ANKS1A: variants seen among roughly 807,000 people sequenced by gnomAD.
The protein encoded by ANKS1A is ankyrin repeat and sterile alpha motif domain containing 1A, also known as ankyrin repeat and SAM domain-containing protein 1A.
A neutral mutation model predicts 120.3 loss-of-function variants in ANKS1A; 55 were observed. The observed-to-expected ratio is 0.46, with a 90% CI of 0.37 to 0.57. The LOEUF is 0.57. Among genes scored for constraint, ANKS1A ranks in the 20% least tolerant of loss-of-function variants. ANKS1A has a pLI of 0.00. For synonymous variants in ANKS1A, 590 were observed against 604.7 expected, an observed-to-expected ratio of 0.98 and a Z score of 0.36; for missense variants, 1,123 against 1,480.3, an observed-to-expected ratio of 0.76 and a Z score of 3.96.
intron 1 of ANKS1A, among the ~76,000 whole-genome samples, chr6:34,960,579 C>T (rs1481657292): frequency 4.6e-5 from 7 of 152,114 alleles, no homozygotes; most frequent in Admixed American, 4.6e-4. Context: ...TCTACACATG[C>T]AATCAGTTTT....
intron 1 of ANKS1A, among the ~76,000 whole-genome samples, chr6:34,904,346 T>G (rs956244402): frequency 3.5e-4 from 54 of 152,182 alleles, no homozygotes; most frequent in African/African-American, 1.2e-3. Context: ...CCATGGTTGG[T>G]TGAATTCACA....
At chr6:34,999,134 T>A (rs548936293) in intron 10 of ANKS1A, among the ~76,000 whole-genome samples, 6 of 152,326 alleles carry the variant, frequency 3.9e-5, no homozygotes, top group African/African-American at 1.4e-4. Flanking sequence ...GCCCACTCCA[T>A]CTGAGTGGAA....
intron 10 of ANKS1A, among the ~76,000 whole-genome samples, chr6:34,997,239 C>T (rs994719098): frequency 6.6e-6 from 1 of 150,654 alleles, no homozygotes; most frequent in Admixed American, 6.6e-5. Flanking sequence ...CTCTGTTGCC[C>T]AGGCTGGAGT....
At chr6:34,917,217 C>T (rs547036163) in intron 1 of ANKS1A, among the ~76,000 whole-genome samples, 1 of 152,332 alleles carries the variant, frequency 6.6e-6, no homozygotes, top group African/African-American at 2.4e-5. Flanking sequence ...GAGCCAGCCC[C>T]AGCAGCCTGC....
At position 35,041,709 on chromosome 6, in the gene ANKS1A, A is replaced by G. The variant is rs1238787798; in HGVS notation, c.2011-12390A>G. 3.9e-5 allele frequency among the ~76,000 whole-genome samples: 6 copies of G among 152,188 alleles called. No individual in the cohort carries two copies. The South Asian group carries it at 1.2e-3, about 31-fold the overall frequency. ...GCCCATATAGGCAATGGATTTTCTC[A>G]GGAGTCCTCACACTACCAGCCCAAC... is the stretch of plus-strand genomic sequence containing the variant. On this transcript the variant is annotated intron_variant, in intron 11 of 23. Transcript: ENST00000360359.
intron 3 of ANKS1A, chr6:34,972,711 C>T (rs1258331953): frequency 3.6e-6 from 3 of 827,832 alleles, no homozygotes; most frequent in Non-Finnish European, 4.4e-6. Context: ...TTGGTCCTCT[C>T]CGCTTCTACT....
chr6:34,945,354 A>G (rs1446247136), intron 1 of ANKS1A, among the ~76,000 whole-genome samples: 2 of 152,226 alleles, frequency 1.3e-5, no homozygotes, highest in Non-Finnish European at 2.9e-5. Context: ...CTGGGATTAC[A>G]GGTGTGAGCC....
intron 1 of ANKS1A, among the ~76,000 whole-genome samples, chr6:34,941,062 C>T (rs943710942): frequency 5.9e-5 from 9 of 151,986 alleles, no homozygotes; most frequent in Admixed American, 3.3e-4. Flanking sequence ...CATCTTGGCT[C>T]ACTGCAACTC....
chr6:35,078,615 C>G lies in ANKS1A; in HGVS notation c.2242C>G (p.His748Asp). Residue 748 changes from histidine to aspartate, a missense_variant, in exon 14 of 24, where the codon CAC becomes GAC. Around this residue, in one of 3 missense-constraint regions of ANKS1A, gnomAD observed 904 missense variants for 1,130.4 expected, o/e 0.80. Coordinates refer to ENST00000360359, the MANE Select transcript of ANKS1A (RefSeq NM_015245.3). The part of the protein sequence containing the change: ...LRDIGISDPQ[H>D]RRKLLQAARS... ...GGACATCGGCATCAGCGACCCACAG[C>G]ACCGGCGGAAGCTGCTCCAGGCGGC... 1.2e-6 allele frequency: 2 copies of G among 1,606,714 alleles called. No homozygotes were observed. Among genetic ancestry groups the G allele is most frequent in the African/African-American group, 2.7e-5 (2 of 75,024 alleles).
intron 13 of ANKS1A, among the ~76,000 whole-genome samples, chr6:35,073,710 T>C (rs936630825): frequency 8.5e-5 from 13 of 152,250 alleles, no homozygotes; most frequent in Non-Finnish European, 1.8e-4. Context: ...TGTCCTGCCA[T>C]GTAGTAAGTA....
At chr6:35,077,005 T>C (rs986241072) in intron 13 of ANKS1A, among the ~76,000 whole-genome samples, 4 of 152,196 alleles carry the variant, frequency 2.6e-5, no homozygotes, top group South Asian at 4.1e-4. Flanking sequence ...AAATGCTAGA[T>C]AGATAAAACG....
chr6:35,097,970 G>A, the ANKS1A span, among the ~76,000 whole-genome samples: 9 of 152,190 alleles, frequency 5.9e-5, no homozygotes, highest in Non-Finnish European at 1.3e-4. Flanking sequence ...GTCCCATTTT[G>A]TCAGAAGCGT....
chr6:34,911,329 G>A (rs1006818381), intron 1 of ANKS1A, among the ~76,000 whole-genome samples: 2 of 152,116 alleles, frequency 1.3e-5, no homozygotes, highest in African/African-American at 4.8e-5. Flanking sequence ...AAGCCAAATC[G>A]GTACTTTTTG....
intron 1 of ANKS1A, among the ~76,000 whole-genome samples, chr6:34,927,900 C>T (rs1768794701): frequency 6.6e-6 from 1 of 152,124 alleles, no homozygotes; most frequent in Non-Finnish European, 1.5e-5. Flanking sequence ...AAGAGGAGCC[C>T]ATTTTCCAAA....
At chr6:34,931,660 C>T (rs1272499165) in intron 1 of ANKS1A, among the ~76,000 whole-genome samples, 1 of 152,118 alleles carries the variant, frequency 6.6e-6, no homozygotes, top group Non-Finnish European at 1.5e-5. Flanking sequence ...AGGGAAATTG[C>T]TGTACTTTTT....
chr6:35,076,714 T>C (rs1666416605), intron 13 of ANKS1A, among the ~76,000 whole-genome samples: 1 of 152,130 alleles, frequency 6.6e-6, no homozygotes, highest in Non-Finnish European at 1.5e-5. Context: ...CTGTAACCTC[T>C]GCCTCCCAGG....
chr6:35,061,052 G>T (rs185725282), intron 13 of ANKS1A, among the ~76,000 whole-genome samples: 62 of 152,296 alleles, frequency 4.1e-4, no homozygotes, highest in Admixed American at 1.5e-3. Flanking sequence ...TCTCACTAGC[G>T]CTTACTGTGT....
In ANKS1A at chr6:34,943,162, C is replaced by G. The variant is rs77673084; in HGVS notation, c.198-24077C>G. On this transcript the variant is annotated intron_variant, in intron 1 of 23. Transcript: ENST00000360359. ...TTGATATGCGGTCTTGCTCCTTTGC[C>G]CAGGCTGGTCTTGAACTCTTGGGCT... 1.8e-3 allele frequency among the ~76,000 whole-genome samples: 271 copies of G among 152,220 alleles called. 1 individual carries two copies. Among genetic ancestry groups the G allele is most frequent in the Middle Eastern group, 6.8e-3 (2 of 294 alleles).
intron 11 of ANKS1A, among the ~76,000 whole-genome samples, chr6:35,029,248 A>G (rs1232755324): frequency 1.3e-5 from 2 of 150,646 alleles, no homozygotes; most frequent in African/African-American, 4.9e-5. Context: ...TATCTATGAT[A>G]TGATTTGTCT....
Sources: gnomAD v4.1 joint callset for allele counts (sites outside exome capture counted in the v4.1 genomes callset) on GRCh38, gnomAD v4.1.1 for gene constraint, gnomAD v4.1.1 regional missense constraint, MANE v1.5 for transcripts, NCBI Gene and HGNC (gene_info 2026-07-23, HGNC 2026-07-21) for gene names.